DCBLD1: variants seen among roughly 807,000 people sequenced by gnomAD.
DCBLD1 encodes discoidin, CUB and LCCL domain containing 1.
In DCBLD1, 57 loss-of-function variants were observed where a neutral mutation model predicts 71.5. The observed-to-expected ratio is 0.80, with a 90% CI of 0.64 to 0.99. DCBLD1 has a LOEUF of 0.99. Ranked by LOEUF, DCBLD1 falls within the 50% of genes least tolerant of loss-of-function variation. The pLI is 0.00. For missense variants in DCBLD1, 891 were observed against 923.5 expected (o/e 0.96, Z 0.46); for synonymous variants, 380 against 363.8 (o/e 1.04, Z -0.51).
At chr6:117,506,992 T>G (rs1777865825) in intron 2 of DCBLD1, among the ~76,000 whole-genome samples, 1 of 152,212 alleles carries the variant, frequency 6.6e-6, no homozygotes, top group Admixed American at 6.5e-5. Flanking sequence ...ACCAACTAAT[T>G]GTTAAAACCC....
chr6:117,521,709 A>G (rs1455654977), intron 4 of DCBLD1, 133 bp downstream of exon 4: 36 of 775,270 alleles, frequency 4.6e-5, no homozygotes, highest in Non-Finnish European at 5.7e-5. Flanking sequence ...GGAATATTTG[A>G]AATAGTTTGT....
At chr6:117,488,981 C>T (rs1025628156) in intron 1 of DCBLD1, among the ~76,000 whole-genome samples, 2 of 152,170 alleles carry the variant, frequency 1.3e-5, no homozygotes, top group African/African-American at 4.8e-5. Flanking sequence ...GAGCTACATG[C>T]TGTGTAATAA....
intron 4 of DCBLD1, among the ~76,000 whole-genome samples, chr6:117,522,517 C>G (rs1778418695): frequency 6.6e-6 from 1 of 151,992 alleles, no homozygotes; most frequent in Admixed American, 6.6e-5. Context: ...TTATAGCTCA[C>G]TACAGCCTCA....
intron 13 of DCBLD1, 109 bp from the exon 14 acceptor site, chr6:117,545,369 G>T: frequency 6.9e-7 from 1 of 1,455,794 alleles, no homozygotes; most frequent in African/African-American, 1.4e-5. Flanking sequence ...ATTGATCACT[G>T]TCAGCTGTCA....
intron 2 of DCBLD1, among the ~76,000 whole-genome samples, chr6:117,509,507 T>C (rs1193994478): frequency 6.6e-6 from 1 of 152,184 alleles, no homozygotes; most frequent in African/African-American, 2.4e-5. Flanking sequence ...TATATGACTT[T>C]AAAGGATGAC....
At chr6:117,537,631 TTTTTTC>T (rs999359741) in intron 7 of DCBLD1, among the ~76,000 whole-genome samples, 16 of 148,732 alleles carry the variant, frequency 1.1e-4, no homozygotes, top group Non-Finnish European at 2.4e-4. Flanking sequence ...TGTTTTTTTT[TTTTTTC>T]CTTTTTTCTC....
chr6:117,489,871 C>T (rs1582960645), intron 1 of DCBLD1, among the ~76,000 whole-genome samples: 1 of 152,076 alleles, frequency 6.6e-6, no homozygotes, highest in African/African-American at 2.4e-5. Flanking sequence ...GGTGACAGAG[C>T]GAGACTCCGT....
intron 14 of DCBLD1, among the ~76,000 whole-genome samples, chr6:117,559,610 C>T (rs1442216628): frequency 2.6e-5 from 4 of 151,916 alleles, no homozygotes; most frequent in African/African-American, 9.7e-5. Context: ...TGGCTGCTGC[C>T]GTGGTGATTA....
At chr6:117,560,928 T>C (rs1779572793) in intron 14 of DCBLD1, 1 of 211,602 alleles carries the variant, frequency 4.7e-6, no homozygotes, top group African/African-American at 2.3e-5. Context: ...TTCTTTCCTA[T>C]AAATGTGAAA....
In DCBLD1 at chr6:117,520,497, C is replaced by T. The variant is rs147881873; in HGVS notation, c.460+547C>T. ...CCCTCCCCCATCCTCCTCCCTAGCTCAGGGGCAACGCTTTTCACCAGTGAG... is the reference window on the plus strand; with the variant it reads ...CCCTCCCCCATCCTCCTCCCTAGCTTAGGGGCAACGCTTTTCACCAGTGAG... On this transcript the variant is annotated intron_variant, in intron 3 of 14. Transcript: ENST00000338728. Among the ~76,000 whole-genome samples the T allele has an allele frequency of 1.7e-3, 261 of 152,262 alleles. 1 individual carries two copies. Among genetic ancestry groups the T allele is most frequent in the African/African-American group, 6.1e-3 (255 of 41,538 alleles).
chr6:117,551,069 G>A (rs1779419099), downstream of DCBLD1, among the ~76,000 whole-genome samples: 1 of 152,114 alleles, frequency 6.6e-6, no homozygotes, highest in Non-Finnish European at 1.5e-5. Flanking sequence ...CAGATCCCCT[G>A]TCTCCCACTG....
chr6:117,493,025 T>C (rs1777346835), intron 1 of DCBLD1, among the ~76,000 whole-genome samples: 1 of 152,226 alleles, frequency 6.6e-6, no homozygotes, highest in Admixed American at 6.5e-5. Flanking sequence ...CCTAGACTTA[T>C]AAATGAAATC....
chr6:117,563,289 C>T, intron 14 of DCBLD1: 1 of 1,613,112 alleles, frequency 6.2e-7, no homozygotes, highest in Non-Finnish European at 8.5e-7. Context: ...GTGTGCAGAT[C>T]ATCTAATTTT....
intron 14 of DCBLD1, chr6:117,547,701 C>T (rs1779315243): frequency 1.2e-5 from 13 of 1,072,060 alleles, no homozygotes; most frequent in Non-Finnish European, 1.8e-5. Flanking sequence ...CCCTGCGAAG[C>T]TTCCTGAGCA....
At chr6:117,521,629 T>C (rs904114939) in intron 4 of DCBLD1, 53 bp downstream of exon 4, 13 of 1,474,692 alleles carry the variant, frequency 8.8e-6, no homozygotes, top group Non-Finnish European at 1.2e-5. Flanking sequence ...GAACATTTTG[T>C]TTTCTTTCAC....
intron 11 of DCBLD1, among the ~76,000 whole-genome samples, chr6:117,541,580 T>C (rs1270484463): frequency 6.6e-6 from 1 of 152,212 alleles, no homozygotes; most frequent in African/African-American, 2.4e-5. Flanking sequence ...TTTGAACATA[T>C]AAGTATATAA....
intron 14 of DCBLD1, chr6:117,562,469 G>T (rs1439889198): frequency 4.9e-6 from 1 of 203,438 alleles, no homozygotes; most frequent in Non-Finnish European, 1.0e-5. Flanking sequence ...ACAAGCATTT[G>T]AGGCTCAACA....
At position 117,543,227 on chromosome 6, in the gene DCBLD1, A is replaced by G. The variant is rs1371216789; in HGVS notation, c.1445+16A>G. 4 of 1,611,196 alleles carry G rather than the reference A, an allele frequency of 2.5e-6. No individual in the cohort carries two copies. The highest frequency in any genetic ancestry group is 1.7e-5 in the Admixed American group (1 of 59,984). On this transcript the variant is annotated intron_variant, in intron 12 of 14. Coordinates refer to ENST00000338728, the MANE Select transcript of DCBLD1 (RefSeq NM_001366458.2). ...CCTTTAGAAAGTATGGTGACTTTAC[A>G]TGTTTAAATTTCTTCTCTAATTATG...
At chr6:117,483,005 G>T in intron 1 of DCBLD1, 112 bp downstream of exon 1, 2 of 1,010,666 alleles carry the variant, frequency 2.0e-6, no homozygotes, top group South Asian at 4.6e-5. Flanking sequence ...GGGCCTGGGG[G>T]GACGGAGCGC....
Sources: allele counts gnomAD v4.1 joint callset (sites outside exome capture counted in the v4.1 genomes callset), GRCh38; gene constraint gnomAD v4.1.1; transcripts MANE v1.5; gene names NCBI Gene and HGNC (gene_info 2026-07-23, HGNC 2026-07-21).